The following FSTL5 variants were observed in gnomAD, a reference collection of about 807,000 sequenced individuals.
The protein encoded by FSTL5 is follistatin like 5.
In FSTL5, 62 loss-of-function variants were observed where a neutral mutation model predicts 89.1. That is an observed-to-expected ratio of 0.70 (90% CI 0.57 to 0.86). The LOEUF is 0.86. Among genes scored for constraint, FSTL5 ranks in the 40% least tolerant of loss-of-function variants. The probability of loss-of-function intolerance (pLI) is 0.00; values close to 1 mark genes in which losing one functional copy is unlikely to be tolerated. For synonymous variants in FSTL5, 383 were observed against 346.2 expected, an observed-to-expected ratio of 1.11 and a Z score of -1.18; for missense variants, 1,057 against 1,001.6, an observed-to-expected ratio of 1.06 and a Z score of -0.75.
chr4:161,927,019 T>C (rs1734146065), intron 3 of FSTL5, among the ~76,000 whole-genome samples: 1 of 151,834 alleles, frequency 6.6e-6, no homozygotes, highest in Non-Finnish European at 1.5e-5. Context: ...AACTAAGATT[T>C]GTGAATATTA....
intron 7 of FSTL5, among the ~76,000 whole-genome samples, chr4:161,634,985 AT>A (rs2126660097): frequency 6.6e-6 from 1 of 152,308 alleles, no homozygotes; most frequent in East Asian, 1.9e-4. Flanking sequence ...ATCACATTAT[AT>A]GTCATAAATG....
chr4:161,492,449 A>G (rs528860555), intron 12 of FSTL5, among the ~76,000 whole-genome samples: 1 of 152,316 alleles, frequency 6.6e-6, no homozygotes, highest in South Asian at 2.1e-4. Flanking sequence ...AACTTTTAGT[A>G]TAACTTTCTG....
intron 15 of FSTL5, among the ~76,000 whole-genome samples, chr4:161,423,057 T>C (rs769260272): frequency 6.6e-6 from 1 of 152,230 alleles, no homozygotes; most frequent in Admixed American, 6.5e-5. Flanking sequence ...TGAGAGACTA[T>C]AACTTTTTTT....
intron 6 of FSTL5, among the ~76,000 whole-genome samples, chr4:161,694,663 A>G (rs1017346773): frequency 6.6e-6 from 1 of 151,954 alleles, no homozygotes; most frequent in Non-Finnish European, 1.5e-5. Flanking sequence ...TTTTTTCCCC[A>G]TGAATGGGCA....
chr4:161,536,582 C>T (rs1356533091), intron 10 of FSTL5, among the ~76,000 whole-genome samples: 1 of 152,032 alleles, frequency 6.6e-6, no homozygotes, highest in Non-Finnish European at 1.5e-5. Context: ...TAGTATTGTC[C>T]TGATTTTAAT....
intron 7 of FSTL5, among the ~76,000 whole-genome samples, chr4:161,600,200 A>ACACACACACACAC (rs1395832923): frequency 1.1e-5 from 1 of 89,336 alleles, no homozygotes; most frequent in Admixed American, 1.1e-4. Flanking sequence ...CACACACACA[A>ACACACACACACAC]ACAGTATGCC....
intron 3 of FSTL5, among the ~76,000 whole-genome samples, chr4:161,937,956 G>A (rs1183083421): frequency 7.3e-6 from 1 of 136,074 alleles, no homozygotes; most frequent in Non-Finnish European, 1.7e-5. Context: ...CTAGCAACAT[G>A]TCCAGTTTCT....
chr4:161,889,243 T>C (rs1047046857), intron 4 of FSTL5, among the ~76,000 whole-genome samples: 4 of 152,180 alleles, frequency 2.6e-5, no homozygotes, highest in African/African-American at 4.8e-5. Flanking sequence ...TGTTTAATGA[T>C]AGAAGATCCT....
intron 3 of FSTL5, among the ~76,000 whole-genome samples, chr4:161,975,614 G>A (rs942683864): frequency 6.7e-6 from 1 of 148,484 alleles, no homozygotes; most frequent in East Asian, 2.0e-4. Context: ...GGGGTGGGGG[G>A]AGTGGGGAGG....
chr4:161,749,203 A>G (rs1417016372), intron 6 of FSTL5, among the ~76,000 whole-genome samples: 1 of 152,158 alleles, frequency 6.6e-6, no homozygotes, highest in Non-Finnish European at 1.5e-5. Context: ...AAAGGAAATC[A>G]TTATATTGAA....
intron 4 of FSTL5, among the ~76,000 whole-genome samples, chr4:161,857,029 T>C (rs1731742514): frequency 6.6e-6 from 1 of 152,120 alleles, no homozygotes; most frequent in Admixed American, 6.6e-5. Flanking sequence ...CTTGGTTGAT[T>C]ATTGTGTGAA....
intron 3 of FSTL5, among the ~76,000 whole-genome samples, chr4:162,028,739 T>C (rs1388400841): frequency 6.6e-6 from 1 of 152,182 alleles, no homozygotes; most frequent in Non-Finnish European, 1.5e-5. Context: ...GAGAGTCTCA[T>C]ATAGGGCTAA....
chr4:161,387,853 T>C (rs977084152), intron 15 of FSTL5: 2 of 152,032 alleles, frequency 1.3e-5, no homozygotes, highest in East Asian at 1.9e-4. Flanking sequence ...GAGGAGACTA[T>C]TTGCTGTCAT....
At chr4:162,014,994 A>G (rs1333522278) in intron 3 of FSTL5, among the ~76,000 whole-genome samples, 1 of 152,200 alleles carries the variant, frequency 6.6e-6, no homozygotes, top group African/African-American at 2.4e-5. Flanking sequence ...TGAAGAACCC[A>G]TTGCAGATCA....
At chr4:161,394,395 C>T (rs1385958474) in intron 15 of FSTL5, among the ~76,000 whole-genome samples, 1 of 152,154 alleles carries the variant, frequency 6.6e-6, no homozygotes, top group Admixed American at 6.6e-5. Context: ...CCTGCCTCAG[C>T]CTCCCAAATA....
rs1326647684 is a variant in FSTL5, at chr4:162,139,463, C to CACACACACAA, written c.-17+24142_-17+24151dup. ...AAGTATACACACACGCCCACACACA[C>CACACACACAA]ACACACACAAACACACACATACACA... On this transcript the variant is annotated intron_variant, in intron 1 of 15. Transcript: ENST00000306100. Among the ~76,000 whole-genome samples the CACACACACAA allele has an allele frequency of 3.3e-5, 5 of 152,052 alleles. No homozygotes were observed. In the East Asian group the frequency reaches 9.7e-4, roughly 29 times the overall value.
At chr4:161,391,984 T>A (rs978596621) in intron 15 of FSTL5, among the ~76,000 whole-genome samples, 4 of 152,244 alleles carry the variant, frequency 2.6e-5, no homozygotes, top group African/African-American at 9.6e-5. Flanking sequence ...ACTTTTAGAC[T>A]TTTTTTCCTT....
At chr4:161,779,811 G>GTATATATATATATATATA (rs1203119725) in intron 4 of FSTL5, among the ~76,000 whole-genome samples, 2 of 40,446 alleles carry the variant, frequency 4.9e-5, no homozygotes, top group Non-Finnish European at 9.2e-5. Flanking sequence ...ATATATATAT[G>GTATATATATATATATATA]TATATATATA....
intron 6 of FSTL5, among the ~76,000 whole-genome samples, chr4:161,734,550 A>G (rs187808402): frequency 1.1e-4 from 17 of 152,298 alleles, no homozygotes; most frequent in Non-Finnish European, 1.9e-4. Context: ...AATTTTTGCA[A>G]TCTCTGATTA....
Sources: allele counts gnomAD v4.1 joint callset (sites outside exome capture counted in the v4.1 genomes callset), GRCh38; gene constraint gnomAD v4.1.1; transcripts MANE v1.5; gene names NCBI Gene and HGNC (gene_info 2026-07-23, HGNC 2026-07-21).